PRCP: variants seen among roughly 807,000 people sequenced by gnomAD.
PRCP encodes the protein prolylcarboxypeptidase.
In PRCP, 46 loss-of-function variants were observed where a neutral mutation model predicts 54.2. The ratio of observed to expected loss-of-function variants is 0.85; its 90% CI spans 0.67 to 1.09. PRCP has a LOEUF of 1.09. PRCP is among the 50% of genes least tolerant of loss of function. PRCP has a pLI of 0.00. For synonymous variants in PRCP, 240 were observed against 212.2 expected, an observed-to-expected ratio of 1.13 and a Z score of -1.14; for missense variants, 613 against 596.8, an observed-to-expected ratio of 1.03 and a Z score of -0.28.
chr11:82,853,724 A>C (rs534931753), intron 2 of PRCP, among the ~76,000 whole-genome samples: 2 of 152,326 alleles, frequency 1.3e-5, no homozygotes, highest in South Asian at 4.1e-4. Context: ...ACTTCGGGCC[A>C]ATATCCCTGA....
intron 1 of PRCP, among the ~76,000 whole-genome samples, chr11:82,873,081 A>T (rs202037482): frequency 4.5e-4 from 57 of 127,806 alleles, no homozygotes; most frequent in African/African-American, 1.4e-3. Context: ...TTTTTTTTTA[A>T]AAAAAAAGAA....
intron 6 of PRCP, among the ~76,000 whole-genome samples, chr11:82,843,493 G>C (rs1265016045): frequency 6.6e-6 from 1 of 152,146 alleles, no homozygotes; most frequent in East Asian, 1.9e-4. Flanking sequence ...GCTTAACCCT[G>C]ATAATGTGCA....
rs563078759 is a variant in PRCP, at chr11:82,850,378, T to C, written c.539A>G (p.Tyr180Cys). The change falls in exon 4 of 9, where the codon TAT becomes TGT. Residue 180 changes from tyrosine to cysteine, a missense_variant. Tyr to Cys is a radical substitution (Grantham distance 194). Transcript: ENST00000313010. ...NQPVIAIGGSYGGMLAAWFRM... is the reference protein window; with the variant it reads ...NQPVIAIGGSCGGMLAAWFRM... ...AAACCAGGCGGCAAGCATGCCACCA[T>C]AGGAGCCTCCTATGGCAATGACAGG... The C allele has an allele frequency of 6.3e-7, 1 of 1,597,726 alleles. No homozygotes were observed. The highest frequency in any genetic ancestry group is 1.7e-5 in the Admixed American group (1 of 58,350).
intron 1 of PRCP, among the ~76,000 whole-genome samples, chr11:82,898,546 T>C (rs1406073043): frequency 1.3e-5 from 2 of 152,116 alleles, no homozygotes; most frequent in Non-Finnish European, 2.9e-5. Context: ...TCCCAGCATA[T>C]AAAACAGGTA....
Position 82,900,254 on chromosome 11 carries a change from A to G in PRCP, c.149T>C (p.Val50Ala). Residue 50 changes from valine to alanine, a missense_variant, in exon 1 of 9, where the codon GTT becomes GCT. Val to Ala is a moderately conservative substitution (Grantham distance 64). Transcript: ENST00000313010. Reference protein sequence around the residue: ...SLPAVAKNYSVLYFQQKVDHF... With the variant: ...SLPAVAKNYSALYFQQKVDHF... Reference sequence around the variant, plus strand: ...CCTTACCTTCTGTTGGAAGTAGAGAACCGAATAGTTCTTGGCTACAGCCGG... The same window carrying G: ...CCTTACCTTCTGTTGGAAGTAGAGAGCCGAATAGTTCTTGGCTACAGCCGG... 6.2e-7 allele frequency: 1 copy of G among 1,614,210 alleles called. No individual in the cohort carries two copies. The highest frequency in any genetic ancestry group is 8.5e-7 in the Non-Finnish European group (1 of 1,180,014).
chr11:82,871,573 C>G (rs4280022), intron 1 of PRCP, among the ~76,000 whole-genome samples: 83,022 of 151,988 alleles, frequency 0.55, 23,456 homozygotes, highest in African/African-American at 0.69. Flanking sequence ...CTGGTATCTG[C>G]TGGTATAATG....
chr11:82,866,874 A>G (rs1264069155), intron 1 of PRCP, among the ~76,000 whole-genome samples: 11 of 151,962 alleles, frequency 7.2e-5, no homozygotes. Context: ...GGTGCCCACC[A>G]CCACACCCGG....
chr11:82,875,354 G>A (rs1859579324), intron 1 of PRCP, among the ~76,000 whole-genome samples: 1 of 152,206 alleles, frequency 6.6e-6, no homozygotes, highest in African/African-American at 2.4e-5. Flanking sequence ...CCCGAACTTA[G>A]ACTACACCAG....
At chr11:82,862,050 T>A (rs900583663) in intron 1 of PRCP, among the ~76,000 whole-genome samples, 1 of 150,672 alleles carries the variant, frequency 6.6e-6, no homozygotes, top group Non-Finnish European at 1.5e-5. Flanking sequence ...ATTCAGTCAG[T>A]AACCATAATA....
intron 8 of PRCP, chr11:82,835,668 A>T (rs1397702614): frequency 9.6e-6 from 3 of 313,300 alleles, no homozygotes; most frequent in Non-Finnish European, 1.9e-5. Context: ...GCTGATGAAG[A>T]CGACGGTAGG....
At chr11:82,899,623 C>CCATA (rs1278151747) in intron 1 of PRCP, among the ~76,000 whole-genome samples, 1 of 152,132 alleles carries the variant, frequency 6.6e-6, no homozygotes, top group African/African-American at 2.4e-5. Flanking sequence ...ACGTTACAGA[C>CCATA]CATAGAAAGG....
chr11:82,863,356 T>C (rs1859252938), intron 1 of PRCP, among the ~76,000 whole-genome samples: 1 of 152,186 alleles, frequency 6.6e-6, no homozygotes, highest in East Asian at 1.9e-4. Flanking sequence ...CCACTGAACA[T>C]ACCCCCAAAT....
rs767932627 is a variant in PRCP at position 82,853,216 on chromosome 11, G to T, written c.372C>A (p.Tyr124Ter). 1 of 1,612,598 alleles carries T rather than the reference G, an allele frequency of 6.2e-7. No homozygotes were observed. Among genetic ancestry groups the T allele is most frequent in the African/African-American group, 1.3e-5 (1 of 74,834 alleles). The change falls in exon 3 of 9, where the codon TAC becomes TAA. Residue 124 changes from tyrosine (Y) to a stop codon, truncating the protein, a stop_gained. Coordinates refer to ENST00000313010, the MANE Select transcript of PRCP (RefSeq NM_005040.4). LOFTEE classifies it high-confidence loss of function. ...KAMLVFAEHR[Y>*]YGESLPFGDN... ...CACCAAAGGGGAGAGACTCTCCATA[G>T]TATCGATGTTCAGCAAACACCAACA...
intron 1 of PRCP, among the ~76,000 whole-genome samples, chr11:82,894,918 AAT>A (rs1169837679): frequency 2.0e-5 from 3 of 152,222 alleles, no homozygotes; most frequent in African/African-American, 7.2e-5. Flanking sequence ...GAAAAATAGA[AAT>A]AGTTTCATAT....
chr11:82,865,150 A>T (rs902587095), intron 1 of PRCP, among the ~76,000 whole-genome samples: 1 of 152,198 alleles, frequency 6.6e-6, no homozygotes, highest in Admixed American at 6.5e-5. Flanking sequence ...AGCTTGCCCA[A>T]GGTAATGTAA....
chr11:82,868,462 C>A (rs1215486616), intron 1 of PRCP, among the ~76,000 whole-genome samples: 2 of 152,104 alleles, frequency 1.3e-5, no homozygotes, highest in African/African-American at 2.4e-5. Context: ...AGTAAACAAC[C>A]AAGCAGTGGT....
chr11:82,859,944 T>C (rs1446532899), intron 2 of PRCP, 33 bp downstream of exon 2: 7 of 1,525,504 alleles, frequency 4.6e-6, no homozygotes, highest in Admixed American at 2.1e-5. Flanking sequence ...AAAAGTCAAA[T>C]TGAGCACTGG....
At chr11:82,883,946 G>C (rs1347728304) in intron 1 of PRCP, among the ~76,000 whole-genome samples, 2 of 152,144 alleles carry the variant, frequency 1.3e-5, no homozygotes, top group African/African-American at 4.8e-5. Context: ...AACACTCAAC[G>C]CCAAGGAGAA....
intron 1 of PRCP, among the ~76,000 whole-genome samples, chr11:82,869,366 A>G (rs2121205125): frequency 6.6e-6 from 1 of 151,564 alleles, no homozygotes; most frequent in Admixed American, 6.6e-5. Flanking sequence ...AAAAAAAAAA[A>G]AAAAGAAGAA....
Sources: gnomAD v4.1 joint callset for allele counts (sites outside exome capture counted in the v4.1 genomes callset) on GRCh38, gnomAD v4.1.1 for gene constraint, MANE v1.5 for transcripts, NCBI Gene and HGNC (gene_info 2026-07-23, HGNC 2026-07-21) for gene names.